The following TSC22D4 variants were observed in gnomAD, a reference collection of about 807,000 sequenced individuals.
TSC22D4 encodes TSC22 domain family member 4.
In TSC22D4, 5 loss-of-function variants were observed where a neutral mutation model predicts 24.9. That is an observed-to-expected ratio of 0.20 (90% CI 0.10 to 0.42). The LOEUF (loss-of-function observed/expected upper bound fraction) is 0.42, where lower values mean the gene tolerates loss of function less well. TSC22D4 is among the 10% of genes least tolerant of loss of function. TSC22D4 has a pLI of 1.00. For missense variants in TSC22D4, 469 were observed against 547.9 expected, an observed-to-expected ratio of 0.86 and a Z score of 1.44; for synonymous variants, 245 against 243.2, an observed-to-expected ratio of 1.01 and a Z score of -0.07.
rs902902357 is a variant in TSC22D4 at position 100,474,184 on chromosome 7, G to A, written c.929+90C>T. On this transcript the variant is annotated intron_variant, in intron 3 of 4. Transcript: ENST00000300181. The surrounding 1 kb of genome is among the most constrained non-coding windows in gnomAD (Gnocchi z 4.3). ...CTCTCCAAGTTCAACCTGGGGGAAG[G>A]ATGCCTACCAGGCACTTTCTTACAG... 2.0e-6 allele frequency: 3 copies of A among 1,531,014 alleles called. No homozygotes were observed. The African/African-American group carries it at 4.1e-5, about 21-fold the overall frequency. 94.8% of individuals were successfully genotyped at this position (1,531,014 alleles called of 1,614,324 possible).
rs536447777 is a variant in TSC22D4 at position 100,470,464 on chromosome 7, G to A, written c.930-2864C>T. On this transcript the variant is annotated intron_variant, in intron 3 of 4. Coordinates refer to ENST00000300181, the MANE Select transcript of TSC22D4 (RefSeq NM_030935.5). The stretch of plus-strand genomic sequence containing the variant: ...GAGCCACCATGCCCAGCTAATTTTT[G>A]TATTTTTGCCGGGGAGCCTCCGGCA... Among the ~76,000 whole-genome samples, 75 of 152,184 alleles carry A rather than the reference G, an allele frequency of 4.9e-4. 2 individuals carry two copies. The South Asian group carries it at 0.015, about 30-fold the overall frequency.
At chr7:100,469,180 T>C (rs975936888) in intron 3 of TSC22D4, among the ~76,000 whole-genome samples, 2 of 148,724 alleles carry the variant, frequency 1.3e-5, no homozygotes, top group African/African-American at 5.0e-5. Context: ...TGAGCCGAGA[T>C]CGTGCCACTG....
intron 3 of TSC22D4, among the ~76,000 whole-genome samples, chr7:100,468,752 C>T (rs1799337376): frequency 6.6e-6 from 1 of 151,780 alleles, no homozygotes; most frequent in Non-Finnish European, 1.5e-5. Flanking sequence ...GCCTGGCCAA[C>T]ATGGAGAAAC....
Position 100,466,935 on chromosome 7 carries a change from G to A in TSC22D4, c.*24C>T. 6.6e-7 allele frequency: 1 copy of A among 1,521,090 alleles called. No homozygotes were observed. The highest frequency in any genetic ancestry group is 8.8e-7 in the Non-Finnish European group (1 of 1,131,570). 94.2% of individuals were successfully genotyped at this position (1,521,090 alleles called of 1,614,324 possible). On this transcript the variant is annotated 3_prime_UTR_variant, in exon 5 of 5. Transcript: ENST00000300181. ...TGACGCAAGGCCGGGCAGCCCCAAA[G>A]GCACATTGTAAGGGAAGGGAGGCTC...
At position 100,477,433 on chromosome 7, in the gene TSC22D4, C is replaced by A. The variant is rs1463184970; in HGVS notation, c.606G>T (p.Glu202Asp). 2 of 1,580,358 alleles carry A rather than the reference C, an allele frequency of 1.3e-6. No individual in the cohort carries two copies. The highest frequency in any genetic ancestry group is 1.7e-6 in the Non-Finnish European group (2 of 1,163,742). Residue 202 changes from glutamate to aspartate, a missense_variant, in exon 2 of 5, where the codon GAG (glutamate) becomes GAT (aspartate). Glu to Asp is a conservative substitution (Grantham distance 45). Coordinates refer to ENST00000300181, the MANE Select transcript of TSC22D4 (RefSeq NM_030935.5). This position sits in a 1 kb window ranked among gnomAD's most constrained non-coding sequence, Gnocchi z 7.8. ...QQRPPEPETG[E>D]SAGTSRAATP... is the part of the protein sequence containing the mutation. ...TGGCAGCCCGGGATGTGCCCGCACT[C>A]TCACCGGTCTCAGGCTCTGGGGGGC...
At chr7:100,470,995 C>T (rs1044803296) in intron 3 of TSC22D4, among the ~76,000 whole-genome samples, 4 of 152,100 alleles carry the variant, frequency 2.6e-5, no homozygotes, top group African/African-American at 9.7e-5. Context: ...GCTGGTCTTC[C>T]TCTTTGAGGG....
rs370454613 is a variant in TSC22D4, at chr7:100,479,079, C to A, written c.-555G>T. ...ATGTGGGAGGGGGCGGCCGAGCCCC[C>A]CTCTGCTCCCGGTGGCAGCCAGCGA... On this transcript the variant is annotated 5_prime_UTR_variant, in exon 1 of 5. Coordinates refer to ENST00000300181, the MANE Select transcript of TSC22D4 (RefSeq NM_030935.5). 6.6e-6 allele frequency: 1 copy of A among 152,318 alleles called. No homozygotes were observed. The highest frequency in any genetic ancestry group is 2.4e-5 in the African/African-American group (1 of 41,448). The allele number at this position is 152,318 out of a possible 1,614,324, so 9.4% of individuals were successfully genotyped here. A position where few individuals can be genotyped will look rare whatever the true frequency, so the allele number is the denominator to read the frequency against.
chr7:100,478,085 C>A lies in TSC22D4; in HGVS notation c.-47G>T. 6.5e-7 allele frequency: 1 copy of A among 1,527,054 alleles called. No individual in the cohort carries two copies. Among genetic ancestry groups the A allele is most frequent in the Non-Finnish European group, 8.8e-7 (1 of 1,133,116 alleles). The allele number at this position is 1,527,054 out of a possible 1,614,324, so 94.6% of individuals were successfully genotyped here. On this transcript the variant is annotated 5_prime_UTR_variant, in exon 2 of 5. Coordinates refer to ENST00000300181, the MANE Select transcript of TSC22D4 (RefSeq NM_030935.5). ...GGCCAAGGTTGGGGGTGGGTTGGGG[C>A]TCCTTGAAGGGGCTCAGGCACCCCT...
chr7:100,467,319 G>C, intron 4 of TSC22D4, 151 bp from the exon 5 acceptor site: 1 of 914,646 alleles, frequency 1.1e-6, no homozygotes, highest in Non-Finnish European at 1.7e-6. Context: ...GAGGGACAGA[G>C]GCAGAGTCAG....
chr7:100,466,914 G>T lies in TSC22D4; in HGVS notation c.*45C>A, dbSNP rs1395089163. 1 of 1,476,862 alleles carries T rather than the reference G, an allele frequency of 6.8e-7. No individual in the cohort carries two copies. The highest frequency in any genetic ancestry group is 2.3e-5 in the Admixed American group (1 of 42,792). 91.5% of individuals were successfully genotyped at this position (1,476,862 alleles called of 1,614,324 possible). ...TAGGAAGAGGGGGCAGGCGGCTGACGCAAGGCCGGGCAGCCCCAAAGGCAC... is the reference window on the plus strand; with the variant it reads ...TAGGAAGAGGGGGCAGGCGGCTGACTCAAGGCCGGGCAGCCCCAAAGGCAC... On this transcript the variant is annotated 3_prime_UTR_variant, in exon 5 of 5. Coordinates refer to ENST00000300181, the MANE Select transcript of TSC22D4 (RefSeq NM_030935.5).
At chr7:100,475,672 G>A (rs1188309246) in intron 2 of TSC22D4, among the ~76,000 whole-genome samples, 1 of 151,778 alleles carries the variant, frequency 6.6e-6, no homozygotes, top group Non-Finnish European at 1.5e-5. Context: ...CTGCCCTAGG[G>A]TTGGGGGGGG....
At chr7:100,473,069 G>GTC (rs1422872627) in intron 3 of TSC22D4, among the ~76,000 whole-genome samples, 5 of 152,158 alleles carry the variant, frequency 3.3e-5, no homozygotes, top group Non-Finnish European at 7.4e-5. Flanking sequence ...GGAGAAGCAG[G>GTC]CAGCCTGGCT....
chr7:100,467,810 TG>T, intron 3 of TSC22D4: 2 of 698,996 alleles, frequency 2.9e-6, no homozygotes, highest in Non-Finnish European at 5.3e-6. Context: ...GTCCCTCGGA[TG>T]GGGGATGCAC....
At chr7:100,475,566 A>G (rs567865440) in intron 2 of TSC22D4, among the ~76,000 whole-genome samples, 7 of 152,244 alleles carry the variant, frequency 4.6e-5, no homozygotes, top group Admixed American at 2.0e-4. Context: ...GAATGAATGG[A>G]TCCTCAGAAA....
At position 100,477,396 on chromosome 7, in the gene TSC22D4, AG is replaced by A; in HGVS notation, c.642del (p.Ser215LeufsTer2). 1 of 1,594,282 alleles carries A rather than the reference AG, an allele frequency of 6.3e-7. No individual in the cohort carries two copies. Among genetic ancestry groups the A allele is most frequent in the Non-Finnish European group, 8.5e-7 (1 of 1,169,702 alleles). Reference sequence around the variant, plus strand: ...CCAGCCTCCGCTTCCACCCTCAGAGAGGGCAGGGGCGTGGCAGCCCGGGATG... The same window carrying A: ...CCAGCCTCCGCTTCCACCCTCAGAGAGGCAGGGGCGTGGCAGCCCGGGATG... ...AGTSRAATPL[P>X]SLRVEAEAGG... On this transcript the variant is annotated frameshift_variant, in exon 2 of 5. Coordinates refer to ENST00000300181, the MANE Select transcript of TSC22D4 (RefSeq NM_030935.5). LOFTEE classifies it high-confidence loss of function. This position sits in a 1 kb window ranked among gnomAD's most constrained non-coding sequence, Gnocchi z 7.8.
At chr7:100,467,450 A>T in intron 4 of TSC22D4, 102 bp downstream of exon 4, 2 of 1,274,652 alleles carry the variant, frequency 1.6e-6, no homozygotes, top group South Asian at 2.4e-5. Flanking sequence ...GGGACGGAGG[A>T]GCTGGGAGTT....
Position 100,475,792 on chromosome 7 carries a change from C to T in TSC22D4, c.763-1352G>A, listed in dbSNP as rs983147923. 5.3e-5 allele frequency among the ~76,000 whole-genome samples: 8 copies of T among 152,056 alleles called. No homozygotes were observed. In the South Asian group the frequency reaches 6.2e-4, roughly 12 times the overall value. ...CGGGGGCGACAGGAACATGACAAGA[C>T]GCCTCTGTGAGGCCCCGGGAGGCCC... is the stretch of plus-strand genomic sequence containing the variant. On this transcript the variant is annotated intron_variant, in intron 2 of 4. Transcript: ENST00000300181.
In TSC22D4 at chr7:100,474,476, G is replaced by C. The variant is rs1209313338; in HGVS notation, c.763-36C>G. 1.4e-5 allele frequency: 23 copies of C among 1,611,170 alleles called. No individual in the cohort carries two copies. Among genetic ancestry groups the C allele is most frequent in the Non-Finnish European group, 2.0e-5 (23 of 1,178,674 alleles). ...AGAGGTAGGAACCATCACATGAAAA[G>C]AGAAAAGAAAGGAACCAGCTGCCTT... On this transcript the variant is annotated intron_variant, in intron 2 of 4. Coordinates refer to ENST00000300181, the MANE Select transcript of TSC22D4 (RefSeq NM_030935.5). The surrounding 1 kb of genome is among the most constrained non-coding windows in gnomAD (Gnocchi z 4.3).
Position 100,478,081 on chromosome 7 carries a change from G to A in TSC22D4, c.-43C>T, listed in dbSNP as rs754749553. 2 of 1,540,920 alleles carry A rather than the reference G, an allele frequency of 1.3e-6. No homozygotes were observed. Among genetic ancestry groups the A allele is most frequent in the Admixed American group, 2.0e-5 (1 of 48,930 alleles). ...GCTGGGCCAAGGTTGGGGGTGGGTT[G>A]GGGCTCCTTGAAGGGGCTCAGGCAC... On this transcript the variant is annotated 5_prime_UTR_variant, in exon 2 of 5. Transcript: ENST00000300181.
Sources: allele counts gnomAD v4.1 joint callset (sites outside exome capture counted in the v4.1 genomes callset), GRCh38; gene constraint gnomAD v4.1.1; non-coding constraint Gnocchi (gnomAD v3.1); transcripts MANE v1.5; gene names NCBI Gene and HGNC (gene_info 2026-07-23, HGNC 2026-07-21).